The following SYTL2 variants were observed in gnomAD, a reference collection of about 807,000 sequenced individuals.
The protein encoded by SYTL2 is synaptotagmin like 2, also known as synaptotagmin-like protein 2.
A neutral mutation model predicts 198.7 loss-of-function variants in SYTL2; 165 were observed. The observed-to-expected ratio is 0.83, with a 90% CI of 0.73 to 0.94. SYTL2 has a LOEUF of 0.94. Ranked by LOEUF, SYTL2 falls within the 40% of genes least tolerant of loss-of-function variation. SYTL2 has a pLI of 0.00. For synonymous variants in SYTL2, 966 were observed against 917.7 expected, an observed-to-expected ratio of 1.05 and a Z score of -0.95; for missense variants, 2,835 against 2,582.8, an observed-to-expected ratio of 1.10 and a Z score of -2.12.
Position 85,801,735 on chromosome 11 carries a change from G to A in SYTL2, c.-390+9219C>T, listed in dbSNP as rs368345064. ...AGATTGTAGCCTCATTTCACCTTTGGTCTTTGGTGAAACTCCACTACATTA... is the reference window on the plus strand; with the variant it reads ...AGATTGTAGCCTCATTTCACCTTTGATCTTTGGTGAAACTCCACTACATTA... On this transcript the variant is annotated intron_variant, in intron 1 of 19. Transcript: ENST00000359152. Among the ~76,000 whole-genome samples the A allele has an allele frequency of 8.6e-5, 13 of 151,830 alleles. 1 individual carries two copies. The East Asian group carries it at 9.6e-4, about 11-fold the overall frequency.
intron 9 of SYTL2, 178 bp from the exon 10 acceptor site, chr11:85,719,021 C>T: frequency 6.6e-7 from 1 of 1,524,724 alleles, no homozygotes; most frequent in Non-Finnish European, 8.8e-7. Flanking sequence ...TGAGCCAGTG[C>T]CATAGCGGGA....
chr11:85,705,108 C>G, intron 15 of SYTL2, 80 bp from the exon 16 acceptor site: 1 of 1,140,972 alleles, frequency 8.8e-7, no homozygotes, highest in Non-Finnish European at 1.3e-6. Flanking sequence ...AAGAGAAATT[C>G]ATCTGTATAT....
chr11:85,836,395 G>A, the SYTL2 span, among the ~76,000 whole-genome samples: 5 of 151,972 alleles, frequency 3.3e-5, no homozygotes, highest in African/African-American at 1.2e-4. Flanking sequence ...GTAGGAAGAG[G>A]AGATAAACTT....
Position 85,725,775 on chromosome 11 carries a change from C to T in SYTL2, c.3583G>A (p.Val1195Ile), listed in dbSNP as rs766257931. The T allele has an allele frequency of 9.3e-6, 15 of 1,614,064 alleles. No individual in the cohort carries two copies. The highest frequency in any genetic ancestry group is 2.2e-5 in the East Asian group (1 of 44,896). Residue 1195 changes from valine to isoleucine, a missense_variant, in exon 8 of 20, where the codon GTT becomes ATT. Val to Ile is a conservative substitution (Grantham distance 29). This residue lies in a region of SYTL2 where 2,645 missense variants were observed against 2,381.7 expected (regional missense o/e 1.11). Transcript: ENST00000359152. ...TTTGGATGAACTACTGTTTTGTCAACATGCTCATTAATGATCTTCTCAGGT... is the reference window on the plus strand; with the variant it reads ...TTTGGATGAACTACTGTTTTGTCAATATGCTCATTAATGATCTTCTCAGGT... ...KGPEKIINEH[V>I]DKTVVHPKVK...
chr11:85,747,069 CA>C (rs1291356034), intron 3 of SYTL2, among the ~76,000 whole-genome samples: 2 of 152,154 alleles, frequency 1.3e-5, no homozygotes, highest in African/African-American at 4.8e-5. Flanking sequence ...TAGACCTTGA[CA>C]AGGCTTTACA....
intron 17 of SYTL2, 33 bp downstream of exon 17, chr11:85,700,482 G>A (rs764735111): frequency 6.5e-7 from 1 of 1,527,566 alleles, no homozygotes; most frequent in Non-Finnish European, 9.1e-7. Flanking sequence ...GATAAGGAAA[G>A]GACATAAATC....
intron 9 of SYTL2, among the ~76,000 whole-genome samples, chr11:85,719,870 C>T (rs996776901): frequency 6.6e-6 from 1 of 152,016 alleles, no homozygotes; most frequent in African/African-American, 2.4e-5. Context: ...TTCTTAATTG[C>T]AAATGCACAA....
At chr11:85,817,267 G>A in the SYTL2 span, among the ~76,000 whole-genome samples, 1 of 152,194 alleles carries the variant, frequency 6.6e-6, no homozygotes, top group African/African-American at 2.4e-5. Context: ...GCTCTCAGTG[G>A]TTACAGATGA....
intron 1 of SYTL2, among the ~76,000 whole-genome samples, chr11:85,782,472 T>G (rs759417421): frequency 3.3e-5 from 5 of 152,210 alleles, no homozygotes; most frequent in Admixed American, 2.0e-4. Context: ...TGATTAACAT[T>G]TGGTTCCTCA....
At position 85,766,146 on chromosome 11, in the gene SYTL2, C is replaced by T. The variant is rs146849486; in HGVS notation, c.-389-8032G>A. On this transcript the variant is annotated intron_variant, in intron 1 of 19. Coordinates refer to ENST00000359152, the MANE Select transcript of SYTL2 (RefSeq NM_206927.4). ...AGGTATTCAAAAAGAAGGCTGGTAA[C>T]GGGAGTACAGGGTGTAAATGGGGCA... Among the ~76,000 whole-genome samples the T allele has an allele frequency of 4.5e-3, 684 of 152,150 alleles. 5 individuals are homozygous for T. Among genetic ancestry groups the T allele is most frequent in the African/African-American group, 0.016 (650 of 41,526 alleles).
At chr11:85,799,711 C>G (rs543201187) in intron 1 of SYTL2, among the ~76,000 whole-genome samples, 69 of 152,254 alleles carry the variant, frequency 4.5e-4, no homozygotes, top group African/African-American at 1.3e-3. Flanking sequence ...TTCCAGGAAG[C>G]CCTACCTTGG....
Position 85,711,188 on chromosome 11 carries a change from C to G in SYTL2, c.5670G>C (p.Gln1890His), listed in dbSNP as rs1483244629. The G allele has an allele frequency of 2.5e-6, 4 of 1,614,044 alleles. No homozygotes were observed. The East Asian group carries it at 6.7e-5, about 27-fold the overall frequency. Residue 1890 changes from glutamine (Q) to histidine (H), a missense_variant, in exon 13 of 20, where the codon CAG (glutamine) becomes CAC (histidine). By Grantham distance (24) the Gln-to-His change is conservative. Transcript: ENST00000359152. Reference sequence around the variant, plus strand: ...TCGGGCTCTTCTTGTGTCTGCTGAGCTGGTAACTGCTTTCTGATGCTGTAT... The same window carrying G: ...TCGGGCTCTTCTTGTGTCTGCTGAGGTGGTAACTGCTTTCTGATGCTGTAT... ...ETDTASESSY[Q>H]LSRHKKSPSS...
At chr11:85,813,713 TCCTTTCC>T (rs1592110584), upstream of SYTL2, among the ~76,000 whole-genome samples, 25 of 98,304 alleles carry the variant, frequency 2.5e-4, no homozygotes, top group East Asian at 1.7e-3. Flanking sequence ...CCTCCCTCCC[TCCTTTCC>T]TTCCTTCCTT....
At chr11:85,840,603 A>C in the SYTL2 span, among the ~76,000 whole-genome samples, 1 of 152,196 alleles carries the variant, frequency 6.6e-6, no homozygotes, top group South Asian at 2.1e-4. Context: ...TCTGTAACAA[A>C]GGTGACAATA....
chr11:85,809,229 C>T (rs535022336), intron 1 of SYTL2, among the ~76,000 whole-genome samples: 1 of 152,334 alleles, frequency 6.6e-6, no homozygotes, highest in South Asian at 2.1e-4. Context: ...TTAGGGCTAA[C>T]GGGTCAGATG....
At chr11:85,707,368 A>G in intron 15 of SYTL2, 61 bp downstream of exon 15, 15 of 1,144,320 alleles carry the variant, frequency 1.3e-5, no homozygotes, top group Non-Finnish European at 1.8e-5. Context: ...CTACTACCCA[A>G]AGAAGACATG....
chr11:85,853,276 A>C, the SYTL2 span: 9 of 437,016 alleles, frequency 2.1e-5, no homozygotes, highest in Non-Finnish European at 3.2e-5. Flanking sequence ...TCTTGAGTAG[A>C]AAAAAGTAGA....
Position 85,757,922 on chromosome 11 carries a change from G to A in SYTL2, c.-197C>T. 2 of 639,588 alleles carry A rather than the reference G, an allele frequency of 3.1e-6. No homozygotes were observed. Among genetic ancestry groups the A allele is most frequent in the Non-Finnish European group, 5.3e-6 (2 of 379,342 alleles). 39.6% of individuals were successfully genotyped at this position (639,588 alleles called of 1,614,324 possible). On this transcript the variant is annotated 5_prime_UTR_variant, in exon 2 of 20. Transcript: ENST00000359152. Reference sequence around the variant, plus strand: ...AGATCCTAAGTGCTCTTTCCCATGAGGAAGTCCTGGTCTGTGGGATAGTGT... The same window carrying A: ...AGATCCTAAGTGCTCTTTCCCATGAAGAAGTCCTGGTCTGTGGGATAGTGT...
intron 3 of SYTL2, among the ~76,000 whole-genome samples, chr11:85,747,865 T>C (rs750923282): frequency 6.6e-6 from 1 of 152,252 alleles, no homozygotes; most frequent in African/African-American, 2.4e-5. Context: ...TTAAATAATG[T>C]ACTTGGTTAA....
Sources: gnomAD v4.1 joint callset for allele counts (sites outside exome capture counted in the v4.1 genomes callset) on GRCh38, gnomAD v4.1.1 for gene constraint, gnomAD v4.1.1 regional missense constraint, MANE v1.5 for transcripts, NCBI Gene and HGNC (gene_info 2026-07-23, HGNC 2026-07-21) for gene names.